Variants in CCDC181 observed in about 807,000 individuals in gnomAD.
CCDC181 encodes coiled-coil domain-containing protein 181.
A neutral mutation model predicts 58.7 loss-of-function variants in CCDC181; 35 were observed. That is an observed-to-expected ratio of 0.60 (90% CI 0.46 to 0.79). The LOEUF (loss-of-function observed/expected upper bound fraction) is 0.79. Among genes scored for constraint, CCDC181 ranks in the 30% least tolerant of loss-of-function variants. The pLI, the probability that CCDC181 is intolerant of heterozygous loss-of-function variation, is 0.00. For synonymous variants in CCDC181, 183 were observed against 197.5 expected, an observed-to-expected ratio of 0.93 and a Z score of 0.62; for missense variants, 517 against 583.9, an observed-to-expected ratio of 0.89 and a Z score of 1.18.
intron 2 of CCDC181, chr1:169,454,329 T>C (rs1396316282): frequency 6.6e-6 from 1 of 152,082 alleles, no homozygotes; most frequent in East Asian, 1.9e-4. Flanking sequence ...TAATGTAAAG[T>C]TATGTATAGA....
At chr1:169,414,469 A>G (rs1039244332) in intron 4 of CCDC181, among the ~76,000 whole-genome samples, 2 of 152,212 alleles carry the variant, frequency 1.3e-5, no homozygotes, top group Non-Finnish European at 2.9e-5. Flanking sequence ...CAACTAGACT[A>G]TATTGACATT....
intron 4 of CCDC181, among the ~76,000 whole-genome samples, chr1:169,402,591 C>T (rs1330068767): frequency 1.3e-5 from 2 of 152,124 alleles, no homozygotes; most frequent in Non-Finnish European, 2.9e-5. Flanking sequence ...AAATACCTTA[C>T]AGACAAGCAA....
At chr1:169,434,539 C>T (rs767568209) in intron 2 of CCDC181, among the ~76,000 whole-genome samples, 1 of 151,950 alleles carries the variant, frequency 6.6e-6, no homozygotes, top group East Asian at 1.9e-4. Flanking sequence ...ACCCAAGTGA[C>T]CATTGACAGA....
In CCDC181 at chr1:169,397,233, T is replaced by C; in HGVS notation, c.1370+4A>G. On this transcript the variant is annotated splice_donor_region_variant and intron_variant, in intron 5 of 5. Transcript: ENST00000367806. ...AGGGGGGAAATGCCCTGCCTTTAACTTACTGTTTAAAGGCCCTTTCCCGGC... is the reference window on the plus strand; with the variant it reads ...AGGGGGGAAATGCCCTGCCTTTAACCTACTGTTTAAAGGCCCTTTCCCGGC... The C allele has an allele frequency of 1.9e-6, 3 of 1,578,914 alleles. No homozygotes were observed. In the South Asian group the frequency reaches 3.6e-5, roughly 19 times the overall value.
At chr1:169,448,163 C>G (rs1202501485) in intron 2 of CCDC181, among the ~76,000 whole-genome samples, 1 of 152,150 alleles carries the variant, frequency 6.6e-6, no homozygotes, top group Non-Finnish European at 1.5e-5. Flanking sequence ...TTGTCATCCA[C>G]TCCACTTATC....
rs773563534 is a variant in CCDC181, at chr1:169,421,896, C to T, written c.535G>A (p.Glu179Lys). Residue 179 changes from glutamate to lysine, a missense_variant, in exon 3 of 6, where the codon GAA (glutamate) becomes AAA (lysine). Coordinates refer to ENST00000367806, the MANE Select transcript of CCDC181 (RefSeq NM_001300969.2). Reference sequence around the variant, plus strand: ...GACAGTTTCCCAAACATATTCCTTTCGTTTTCAAAATAATTTTTAAAAGTA... The same window carrying T: ...GACAGTTTCCCAAACATATTCCTTTTGTTTTCAAAATAATTTTTAAAAGTA... ...TTTFKNYFEN[E>K]RNMFGKLSQL... 1.2e-5 allele frequency: 20 copies of T among 1,613,640 alleles called. No individual in the cohort carries two copies. The highest frequency in any genetic ancestry group is 2.2e-5 in the East Asian group (1 of 44,894).
chr1:169,407,230 A>C (rs1390706865), intron 4 of CCDC181, among the ~76,000 whole-genome samples: 1 of 152,154 alleles, frequency 6.6e-6, no homozygotes, highest in Non-Finnish European at 1.5e-5. Flanking sequence ...AATTTTAAAG[A>C]AGCCAGAGGA....
At chr1:169,406,958 T>C (rs1300310193) in intron 4 of CCDC181, among the ~76,000 whole-genome samples, 2 of 149,074 alleles carry the variant, frequency 1.3e-5, no homozygotes, top group Non-Finnish European at 3.0e-5. Flanking sequence ...ATGAAAAAAA[T>C]TTTCAGTAAA....
intron 2 of CCDC181, among the ~76,000 whole-genome samples, chr1:169,440,061 A>G (rs1657170768): frequency 6.6e-6 from 1 of 152,066 alleles, no homozygotes; most frequent in South Asian, 2.1e-4. Context: ...GGATGTGAAA[A>G]CAGGAATGCC....
At chr1:169,404,209 T>G (rs1478542320) in intron 4 of CCDC181, among the ~76,000 whole-genome samples, 1 of 152,142 alleles carries the variant, frequency 6.6e-6, no homozygotes, top group African/African-American at 2.4e-5. Flanking sequence ...CCAGACAGAT[T>G]CACAGCCAAA....
intron 2 of CCDC181, among the ~76,000 whole-genome samples, chr1:169,434,398 A>G (rs1484821550): frequency 6.6e-6 from 1 of 152,056 alleles, no homozygotes; most frequent in Non-Finnish European, 1.5e-5. Flanking sequence ...TTAAAAATTG[A>G]ATTACCATAT....
At chr1:169,426,810 ATAAG>A (rs1392729979) in intron 1 of CCDC181, among the ~76,000 whole-genome samples, 3 of 152,178 alleles carry the variant, frequency 2.0e-5, no homozygotes, top group African/African-American at 2.4e-5. Context: ...CTGTGATCCT[ATAAG>A]TAAGTTTTTA....
intron 4 of CCDC181, among the ~76,000 whole-genome samples, chr1:169,400,446 T>TA (rs568487704): frequency 1.5e-4 from 23 of 151,986 alleles, no homozygotes; most frequent in South Asian, 1.0e-3. Context: ...TTAACCAATT[T>TA]AAAAAAAATC....
upstream of CCDC181, among the ~76,000 whole-genome samples, chr1:169,430,781 C>G (rs938527082): frequency 1.3e-5 from 2 of 152,142 alleles, no homozygotes; most frequent in African/African-American, 4.8e-5. Flanking sequence ...AGCAGTGGCT[C>G]AAGGGCTCCA....
At chr1:169,433,992 A>G (rs1387850621) in intron 2 of CCDC181, among the ~76,000 whole-genome samples, 1 of 152,044 alleles carries the variant, frequency 6.6e-6, no homozygotes, top group African/African-American at 2.4e-5. Context: ...TGAAAAGGCA[A>G]CCTATGAAAT....
At chr1:169,422,855 G>A (rs1283473931) in intron 2 of CCDC181, among the ~76,000 whole-genome samples, 1 of 151,474 alleles carries the variant, frequency 6.6e-6, no homozygotes, top group Admixed American at 6.6e-5. Context: ...CTCTAGATCA[G>A]ATTTCCCTTC....
At chr1:169,407,407 C>T (rs187808093) in intron 4 of CCDC181, among the ~76,000 whole-genome samples, 20 of 152,036 alleles carry the variant, frequency 1.3e-4, no homozygotes, top group Non-Finnish European at 1.6e-4. Context: ...AAAAATTCTT[C>T]GGTGATTTTC....
chr1:169,406,330 A>G (rs1655654470), intron 4 of CCDC181, among the ~76,000 whole-genome samples: 1 of 152,240 alleles, frequency 6.6e-6, no homozygotes, highest in African/African-American at 2.4e-5. Context: ...TCATGCTGCT[A>G]TAAAGACACA....
chr1:169,458,915 CG>C (rs1304402990), intron 2 of CCDC181, among the ~76,000 whole-genome samples: 4 of 151,672 alleles, frequency 2.6e-5, no homozygotes, highest in Non-Finnish European at 4.4e-5. Context: ...GTCCACCAAA[CG>C]TCCTATTAAC....
Sources: allele counts gnomAD v4.1 joint callset (sites outside exome capture counted in the v4.1 genomes callset), GRCh38; gene constraint gnomAD v4.1.1; transcripts MANE v1.5; gene names NCBI Gene and HGNC (gene_info 2026-07-23, HGNC 2026-07-21).